The following MCC variants were observed in gnomAD, a reference collection of about 807,000 sequenced individuals.
MCC encodes the protein MCC regulator of Wnt signaling pathway, also known as colorectal mutant cancer protein.
In MCC, 90 loss-of-function variants were observed where a neutral mutation model predicts 116.2. That is an observed-to-expected ratio of 0.77 (90% CI 0.65 to 0.92). The LOEUF is 0.92. MCC is among the 40% of genes least tolerant of loss of function. MCC has a pLI of 0.00. For missense variants in MCC, 1,516 were observed against 1,312.2 expected, an observed-to-expected ratio of 1.16 and a Z score of -2.40; for synonymous variants, 578 against 510.5, an observed-to-expected ratio of 1.13 and a Z score of -1.78.
At chr5:113,125,759 T>C (rs982556243) in intron 5 of MCC, among the ~76,000 whole-genome samples, 4 of 152,188 alleles carry the variant, frequency 2.6e-5, no homozygotes, top group Non-Finnish European at 5.9e-5. Context: ...GCAGTGGCTC[T>C]GCACAGCCTA....
At chr5:113,335,898 T>C (rs549284939) in intron 3 of MCC, among the ~76,000 whole-genome samples, 1 of 151,874 alleles carries the variant, frequency 6.6e-6, no homozygotes, top group South Asian at 2.1e-4. Context: ...GGTACAGAGT[T>C]ACTGTCGTAG....
chr5:113,402,512 C>A (rs924788987), intron 1 of MCC, among the ~76,000 whole-genome samples: 33 of 151,928 alleles, frequency 2.2e-4, no homozygotes, highest in Admixed American at 6.6e-4. Context: ...TTCAAAGTGA[C>A]CACAATAAAG....
chr5:113,158,442 G>T (rs1327547386), intron 3 of MCC, among the ~76,000 whole-genome samples: 7 of 152,182 alleles, frequency 4.6e-5, no homozygotes, highest in African/African-American at 1.7e-4. Context: ...CACTTTACCT[G>T]TTCCATCAGC....
intron 3 of MCC, among the ~76,000 whole-genome samples, chr5:113,230,681 A>G (rs1763907502): frequency 6.6e-6 from 1 of 152,210 alleles, no homozygotes; most frequent in Non-Finnish European, 1.5e-5. Flanking sequence ...TATTTGGAGG[A>G]TACAAGTTAA....
intron 3 of MCC, among the ~76,000 whole-genome samples, chr5:113,335,909 T>G (rs1325595648): frequency 6.6e-6 from 1 of 151,802 alleles, no homozygotes; most frequent in African/African-American, 2.4e-5. Flanking sequence ...ACTGTCGTAG[T>G]CTGTTTTGTG....
rs1343388090 is a variant in MCC, at chr5:113,278,940, G to A, written c.627+61579C>T. Among the ~76,000 whole-genome samples the A allele has an allele frequency of 3.3e-5, 5 of 152,156 alleles. No individual in the cohort carries two copies. The East Asian group carries it at 9.6e-4, about 29-fold the overall frequency. ...AATCAAGTGTCTCTTTTTGCAAGCT[G>A]GCCTTTTCCAAATATTAACATGTTA... On this transcript the variant is annotated intron_variant, in intron 3 of 18. Transcript: ENST00000408903.
chr5:113,345,873 C>T (rs776076456), intron 2 of MCC, among the ~76,000 whole-genome samples: 1 of 152,098 alleles, frequency 6.6e-6, no homozygotes, highest in African/African-American at 2.4e-5. Flanking sequence ...ATGACTTCAC[C>T]CAAAGAACTA....
At chr5:113,044,610 C>G (rs1011898786) in intron 16 of MCC, 3 of 337,530 alleles carry the variant, frequency 8.9e-6, no homozygotes, top group African/African-American at 6.7e-5. Flanking sequence ...GTTTTGCTCT[C>G]GTTGCCCAGG....
At chr5:113,322,101 G>A (rs1767435811) in intron 3 of MCC, among the ~76,000 whole-genome samples, 1 of 152,134 alleles carries the variant, frequency 6.6e-6, no homozygotes, top group Admixed American at 6.5e-5. Flanking sequence ...CAAAGTGCTG[G>A]GATTACAGGC....
intron 6 of MCC, among the ~76,000 whole-genome samples, chr5:113,107,409 G>A (rs1385075654): frequency 6.6e-6 from 1 of 151,928 alleles, no homozygotes; most frequent in Non-Finnish European, 1.5e-5. Flanking sequence ...GTGGAGACGG[G>A]GTTTCACCAT....
At chr5:113,223,572 G>T (rs78691849) in intron 3 of MCC, among the ~76,000 whole-genome samples, 7,277 of 152,248 alleles carry the variant, frequency 0.048, 301 homozygotes, top group African/African-American at 0.11. Flanking sequence ...TAAGGCAGTG[G>T]AAGTAGGGAC....
At chr5:113,415,410 A>G (rs1770116425) in intron 1 of MCC, among the ~76,000 whole-genome samples, 1 of 152,036 alleles carries the variant, frequency 6.6e-6, no homozygotes, top group Non-Finnish European at 1.5e-5. Context: ...ACACCAATCA[A>G]ATGTAGATTT....
At chr5:113,440,740 A>G (rs1771012700) in intron 1 of MCC, among the ~76,000 whole-genome samples, 1 of 152,160 alleles carries the variant, frequency 6.6e-6, no homozygotes, top group African/African-American at 2.4e-5. Flanking sequence ...TTTTCAGTAG[A>G]TCTGTTGGCA....
At chr5:113,285,750 T>G (rs908072747) in intron 3 of MCC, among the ~76,000 whole-genome samples, 6 of 152,220 alleles carry the variant, frequency 3.9e-5, no homozygotes, top group Non-Finnish European at 8.8e-5. Context: ...ATATCACCAC[T>G]GAACATTTGT....
intron 11 of MCC, among the ~76,000 whole-genome samples, chr5:113,079,289 A>G (rs528065238): frequency 6.6e-6 from 1 of 152,390 alleles, no homozygotes; most frequent in South Asian, 2.1e-4. Context: ...CATTCTTCAC[A>G]GAATTGGAAA....
intron 1 of MCC, among the ~76,000 whole-genome samples, chr5:113,422,668 G>A (rs558207402): frequency 5.3e-5 from 8 of 152,276 alleles, no homozygotes; most frequent in African/African-American, 1.4e-4. Flanking sequence ...TTGAAGAGCC[G>A]TGGAATCTGG....
At chr5:113,183,908 C>T (rs1463096707) in intron 3 of MCC, among the ~76,000 whole-genome samples, 1 of 152,026 alleles carries the variant, frequency 6.6e-6, no homozygotes, top group Non-Finnish European at 1.5e-5. Context: ...CTCTGCCCGC[C>T]CCCACCCATC....
chr5:113,103,931 G>A (rs531357469), intron 7 of MCC, among the ~76,000 whole-genome samples: 10 of 152,164 alleles, frequency 6.6e-5, no homozygotes, highest in Non-Finnish European at 1.0e-4. Context: ...ACTAGCAGTC[G>A]AATGGTTTCC....
chr5:113,103,361 C>T (rs1441358150), intron 7 of MCC, among the ~76,000 whole-genome samples: 1 of 152,196 alleles, frequency 6.6e-6, no homozygotes, highest in African/African-American at 2.4e-5. Flanking sequence ...CTCCTCCTTC[C>T]CTCTCAACTC....
Sources: gnomAD v4.1 joint callset for allele counts (sites outside exome capture counted in the v4.1 genomes callset) on GRCh38, gnomAD v4.1.1 for gene constraint, MANE v1.5 for transcripts, NCBI Gene and HGNC (gene_info 2026-07-23, HGNC 2026-07-21) for gene names.